The following SHCBP1L variants were observed in gnomAD, a reference collection of about 807,000 sequenced individuals.
The protein encoded by SHCBP1L is SHC binding and spindle associated 1 like.
A neutral mutation model predicts 62.5 loss-of-function variants in SHCBP1L; 67 were observed. The ratio of observed to expected loss-of-function variants is 1.07; its 90% CI spans 0.88 to 1.31. The LOEUF (loss-of-function observed/expected upper bound fraction) is 1.31. Ranked by LOEUF, SHCBP1L falls within the 40% of genes most tolerant of loss-of-function variation. The pLI is 0.00. For missense variants in SHCBP1L, 823 were observed against 809.8 expected (o/e 1.02, Z -0.20); for synonymous variants, 284 against 289.4 (o/e 0.98, Z 0.19).
At chr1:182,942,340 C>T (rs1651395014) in intron 2 of SHCBP1L, 2 of 796,506 alleles carry the variant, frequency 2.5e-6, no homozygotes, top group Middle Eastern at 2.4e-4. Context: ...ACAACCGCCC[C>T]GATCTCCTGT....
At chr1:182,938,785 T>A (rs1304294084) in intron 5 of SHCBP1L, among the ~76,000 whole-genome samples, 1 of 152,220 alleles carries the variant, frequency 6.6e-6, no homozygotes, top group African/African-American at 2.4e-5. Context: ...GTCTTTGTGC[T>A]TCTTTTAAAA....
chr1:182,911,734 T>C (rs1473542791), intron 6 of SHCBP1L, among the ~76,000 whole-genome samples: 3 of 152,130 alleles, frequency 2.0e-5, no homozygotes, highest in African/African-American at 7.2e-5. Context: ...CTAGAGGGGT[T>C]CAACAGCAGA....
intron 5 of SHCBP1L, among the ~76,000 whole-genome samples, chr1:182,930,413 C>T (rs1486498308): frequency 1.3e-5 from 2 of 151,184 alleles, no homozygotes; most frequent in Admixed American, 6.6e-5. Context: ...TGGCTTTTAT[C>T]ATTACTGTCA....
At chr1:182,921,460 A>T (rs773205284) in intron 6 of SHCBP1L, among the ~76,000 whole-genome samples, 8 of 152,234 alleles carry the variant, frequency 5.3e-5, no homozygotes, top group Non-Finnish European at 1.0e-4. Context: ...CATAACAACG[A>T]GCTAATAGGT....
chr1:182,915,501 A>G (rs998173022), intron 6 of SHCBP1L, among the ~76,000 whole-genome samples: 4 of 152,232 alleles, frequency 2.6e-5, no homozygotes, highest in Non-Finnish European at 2.9e-5. Context: ...GAAGATTTCT[A>G]TACCACTTTC....
chr1:182,912,789 C>T (rs2101925682), intron 6 of SHCBP1L, among the ~76,000 whole-genome samples: 1 of 151,832 alleles, frequency 6.6e-6, no homozygotes, highest in East Asian at 2.0e-4. Flanking sequence ...TCCCAAAGTG[C>T]TGGGATTACA....
intron 6 of SHCBP1L, among the ~76,000 whole-genome samples, chr1:182,924,980 A>AG (rs1650691623): frequency 2.7e-5 from 4 of 147,432 alleles, no homozygotes; most frequent in South Asian, 2.2e-4. Flanking sequence ...GAAAGAAAAA[A>AG]AAAGGAAGAA....
chr1:182,942,435 T>G, intron 2 of SHCBP1L: 1 of 688,962 alleles, frequency 1.5e-6, no homozygotes, highest in Non-Finnish European at 2.7e-6. Flanking sequence ...GCCGGGTGCC[T>G]GCGGGCCGTG....
At chr1:182,920,997 TTG>T (rs1163540025) in intron 6 of SHCBP1L, among the ~76,000 whole-genome samples, 1 of 151,370 alleles carries the variant, frequency 6.6e-6, no homozygotes, top group Non-Finnish European at 1.5e-5. Flanking sequence ...TCCAGAGAGG[TTG>T]ACATTCAAAT....
At chr1:182,938,156 G>A (rs1045382674) in intron 5 of SHCBP1L, among the ~76,000 whole-genome samples, 1 of 152,176 alleles carries the variant, frequency 6.6e-6, no homozygotes, top group African/African-American at 2.4e-5. Context: ...TGCCCAGGCT[G>A]GAGTGCAATG....
intron 6 of SHCBP1L, among the ~76,000 whole-genome samples, chr1:182,923,205 CTAA>C (rs1357888894): frequency 1.3e-5 from 2 of 152,096 alleles, no homozygotes; most frequent in Non-Finnish European, 2.9e-5. Flanking sequence ...CATAAACAGA[CTAA>C]TAATGAGTTC....
chr1:182,901,329 T>C (rs1323636729), intron 9 of SHCBP1L, among the ~76,000 whole-genome samples: 1 of 152,136 alleles, frequency 6.6e-6, no homozygotes, highest in African/African-American at 2.4e-5. Context: ...TGGTGGCGCA[T>C]GCCTGTAATC....
At chr1:182,916,085 C>G (rs1419832919) in intron 6 of SHCBP1L, among the ~76,000 whole-genome samples, 1 of 152,092 alleles carries the variant, frequency 6.6e-6, no homozygotes, top group Non-Finnish European at 1.5e-5. Context: ...GGATTACAGG[C>G]GTGAGCCACT....
At chr1:182,904,574 T>TGTGC in intron 7 of SHCBP1L, 144 bp from the exon 8 acceptor site, 2 of 740,556 alleles carry the variant, frequency 2.7e-6, no homozygotes, top group South Asian at 4.0e-5. Flanking sequence ...TGTGTGTGTG[T>TGTGC]GTGCGCATGC....
intron 9 of SHCBP1L, among the ~76,000 whole-genome samples, chr1:182,900,947 A>T (rs1162170503): frequency 6.6e-6 from 1 of 152,266 alleles, no homozygotes; most frequent in East Asian, 1.9e-4. Flanking sequence ...TATTGATAAA[A>T]ACAACTAATT....
At chr1:182,940,732 C>G (rs1651334653) in intron 2 of SHCBP1L, among the ~76,000 whole-genome samples, 189 bp from the exon 3 acceptor site, 2 of 152,112 alleles carry the variant, frequency 1.3e-5, no homozygotes, top group Admixed American at 1.3e-4. Flanking sequence ...AACCCTACTT[C>G]TTAAATACAT....
At chr1:182,906,255 C>T (rs16859836) in intron 6 of SHCBP1L, among the ~76,000 whole-genome samples, 8,010 of 150,960 alleles carry the variant, frequency 0.053, 516 homozygotes, top group African/African-American at 0.16. Flanking sequence ...TTATTACCCC[C>T]GCTATAAGGT....
At chr1:182,909,645 A>T (rs1269218893) in intron 6 of SHCBP1L, among the ~76,000 whole-genome samples, 1 of 152,166 alleles carries the variant, frequency 6.6e-6, no homozygotes, top group Non-Finnish European at 1.5e-5. Flanking sequence ...GTATATGGAG[A>T]GCAGACTTTG....
intron 6 of SHCBP1L, among the ~76,000 whole-genome samples, chr1:182,927,920 A>T (rs1402566792): frequency 6.6e-6 from 1 of 152,172 alleles, no homozygotes; most frequent in African/African-American, 2.4e-5. Flanking sequence ...AAGAAAGTGA[A>T]TAAAGCCAGG....
Sources: allele counts gnomAD v4.1 joint callset (sites outside exome capture counted in the v4.1 genomes callset), GRCh38; gene constraint gnomAD v4.1.1; transcripts MANE v1.5; gene names NCBI Gene and HGNC (gene_info 2026-07-23, HGNC 2026-07-21).